Variants in RNF144A observed in about 807,000 individuals in gnomAD.
RNF144A encodes the protein E3 ubiquitin-protein ligase RNF144A.
In RNF144A, 11 loss-of-function variants were observed where a neutral mutation model predicts 38.7. That is an observed-to-expected ratio of 0.28 (90% confidence interval 0.18 to 0.47). The LOEUF is 0.47. Among genes scored for constraint, RNF144A ranks in the 20% least tolerant of loss-of-function variants. The pLI is 0.99. For synonymous variants in RNF144A, 149 were observed against 143.9 expected (o/e 1.04, Z -0.25); for missense variants, 316 against 377.2 (o/e 0.84, Z 1.34).
intron 2 of RNF144A, among the ~76,000 whole-genome samples, chr2:6,961,718 A>T (rs1003020882): frequency 6.6e-6 from 1 of 152,290 alleles, no homozygotes; most frequent in East Asian, 1.9e-4. Context: ...TCTGCCTAGA[A>T]TTTCTTTCAC....
At chr2:7,070,522 GT>G (rs1170427193), downstream of RNF144A, among the ~76,000 whole-genome samples, 1 of 152,168 alleles carries the variant, frequency 6.6e-6, no homozygotes. Context: ...TTATGTTGAA[GT>G]CCCCCCTCCC....
At position 7,032,862 on chromosome 2, in the gene RNF144A, C is replaced by G. The variant is rs148143464; in HGVS notation, c.747+2647C>G. Among the ~76,000 whole-genome samples the G allele has an allele frequency of 5.8e-3, 889 of 152,334 alleles. 2 individuals are homozygous for G. Among genetic ancestry groups the G allele is most frequent in the African/African-American group, 0.02 (823 of 41,584 alleles). On this transcript the variant is annotated intron_variant, in intron 8 of 8. Transcript: ENST00000320892. Reference sequence around the variant, plus strand: ...TCAACCCATAACAACACCTACACCCCCCTCCCCACGCAGCATAGAAACTGC... The same window carrying G: ...TCAACCCATAACAACACCTACACCCGCCTCCCCACGCAGCATAGAAACTGC...
intron 2 of RNF144A, among the ~76,000 whole-genome samples, chr2:6,971,749 C>G (rs1376178874): frequency 1.3e-5 from 2 of 150,944 alleles, no homozygotes; most frequent in Non-Finnish European, 3.0e-5. Context: ...CCTGGGCTCT[C>G]ACTAGTTCTG....
At chr2:7,012,716 C>G (rs1670898316) in intron 3 of RNF144A, among the ~76,000 whole-genome samples, 1 of 152,206 alleles carries the variant, frequency 6.6e-6, no homozygotes, top group Admixed American at 6.5e-5. Flanking sequence ...TCATCTGCCT[C>G]TCCCTTGTTC....
intron 2 of RNF144A, among the ~76,000 whole-genome samples, chr2:6,974,306 T>C (rs1218617083): frequency 1.3e-5 from 2 of 152,198 alleles, no homozygotes; most frequent in Non-Finnish European, 2.9e-5. Context: ...AAATACAGCA[T>C]TGTGGTTCAG....
At chr2:6,948,267 A>C (rs1406054413) in intron 2 of RNF144A, among the ~76,000 whole-genome samples, 2 of 152,238 alleles carry the variant, frequency 1.3e-5, no homozygotes, top group Admixed American at 1.3e-4. Context: ...CTTCTGTCAC[A>C]GCACAGAGAG....
chr2:7,025,056 A>T (rs1020609083), intron 7 of RNF144A, among the ~76,000 whole-genome samples: 1 of 152,160 alleles, frequency 6.6e-6, no homozygotes, highest in Non-Finnish European at 1.5e-5. Context: ...CACATCATCT[A>T]CAGGGCGGGA....
At chr2:6,963,980 G>A (rs1667496710) in intron 2 of RNF144A, among the ~76,000 whole-genome samples, 1 of 152,054 alleles carries the variant, frequency 6.6e-6, no homozygotes, top group South Asian at 2.1e-4. Flanking sequence ...CAGCTGGTAG[G>A]CAAAGCTGTA....
Position 7,012,160 on chromosome 2 carries a change from A to G in RNF144A, c.136-2294A>G, listed in dbSNP as rs532430662. 3.3e-5 allele frequency among the ~76,000 whole-genome samples: 5 copies of G among 152,354 alleles called. No homozygotes were observed. In the South Asian group the frequency reaches 1.0e-3, roughly 32 times the overall value. ...CAGAGACCCCATTTAGACAAACTTC[A>G]TAATAGAAAGTAAAATAATGATCTT... is the stretch of plus-strand genomic sequence containing the variant. On this transcript the variant is annotated intron_variant, in intron 3 of 8. Coordinates refer to ENST00000320892, the MANE Select transcript of RNF144A (RefSeq NM_014746.6).
chr2:7,052,776 C>T (rs1394594569), intron 6 of RNF144A, among the ~76,000 whole-genome samples: 1 of 152,024 alleles, frequency 6.6e-6, no homozygotes. Context: ...CCTTCCTGTT[C>T]TCTGGAAATG....
At chr2:7,056,202 G>C (rs1673732156) in intron 6 of RNF144A, among the ~76,000 whole-genome samples, 2 of 152,116 alleles carry the variant, frequency 1.3e-5, no homozygotes. Flanking sequence ...TGGCCGTTCT[G>C]ATCTTACTAT....
intron 8 of RNF144A, among the ~76,000 whole-genome samples, chr2:7,031,375 A>G (rs959648793): frequency 6.6e-6 from 1 of 152,234 alleles, no homozygotes; most frequent in African/African-American, 2.4e-5. Flanking sequence ...AGGGACAGAG[A>G]TGATAAAGCA....
At chr2:7,068,305 GAT>G, downstream of RNF144A, 1 of 1,211,346 alleles carries the variant, frequency 8.3e-7, no homozygotes. Flanking sequence ...ACATTTTAAA[GAT>G]AAGATTAATA....
In RNF144A at chr2:7,024,571, G is replaced by C. The variant is rs532192336; in HGVS notation, c.657+55G>C. 5 of 1,560,676 alleles carry C rather than the reference G, an allele frequency of 3.2e-6. No homozygotes were observed. In the East Asian group the frequency reaches 1.1e-4, roughly 36 times the overall value. ...GCATTTAGCTTTGAGGTTTAGATTT[G>C]GAATGAGAAAAATAGACCAGCTGTT... On this transcript the variant is annotated intron_variant, in intron 7 of 8. Transcript: ENST00000320892.
Position 6,965,270 on chromosome 2 carries a change from C to T in RNF144A, c.-12+24123C>T, listed in dbSNP as rs188319813. Among the ~76,000 whole-genome samples the T allele has an allele frequency of 3.3e-5, 5 of 152,260 alleles. No homozygotes were observed. In the East Asian group the frequency reaches 5.8e-4, roughly 18 times the overall value. On this transcript the variant is annotated intron_variant, in intron 2 of 8. Transcript: ENST00000320892. ...GGAGGGAAAATAGGGAAATAGGACA[C>T]GATCTCAGCTCATGAGGAGGGTGTG...
At position 6,958,240 on chromosome 2, in the gene RNF144A, C is replaced by T. The variant is rs192284625; in HGVS notation, c.-12+17093C>T. On this transcript the variant is annotated intron_variant, in intron 2 of 8. Transcript: ENST00000320892. This position sits in a 1 kb window ranked among gnomAD's most constrained non-coding sequence, Gnocchi z 4.5. ...CCCTTCTGCGGGGCTCTGCTCTGGG[C>T]TGGTGAAGGGACAGAAAGCAAAGTG... Among the ~76,000 whole-genome samples, 308 of 152,314 alleles carry T rather than the reference C, an allele frequency of 2.0e-3. No homozygotes were observed. Among genetic ancestry groups the T allele is most frequent in the Non-Finnish European group, 3.6e-3 (248 of 68,022 alleles).
At position 7,040,386 on chromosome 2, in the gene RNF144A, G is replaced by A; in HGVS notation, c.*626G>A. The stretch of plus-strand genomic sequence containing the variant: ...ATTTAGAAAGCCTTATGCACTCTTT[G>A]TGTTTTTCTTGAAACTTGCTGTAGT... On this transcript the variant is annotated 3_prime_UTR_variant, in exon 9 of 9. Transcript: ENST00000320892. 2.0e-6 allele frequency: 2 copies of A among 985,370 alleles called. No homozygotes were observed. Among genetic ancestry groups the A allele is most frequent in the Non-Finnish European group, 2.4e-6 (2 of 829,916 alleles). 61.0% of individuals were successfully genotyped at this position (985,370 alleles called of 1,614,324 possible). A position where few individuals can be genotyped will look rare whatever the true frequency, so the allele number is the denominator to read the frequency against.
At chr2:7,003,813 T>C (rs1025642965) in intron 3 of RNF144A, among the ~76,000 whole-genome samples, 6 of 152,248 alleles carry the variant, frequency 3.9e-5, no homozygotes, top group Non-Finnish European at 7.3e-5. Flanking sequence ...TTCCTTGGGT[T>C]ATCAAGGTTG....
In RNF144A at chr2:6,943,792, A is replaced by G. The variant is rs1312500369; in HGVS notation, c.-12+2645A>G. ...ACCTTTCTTTGTGAAATGGGAGTCA[A>G]AGCCAGCATCTGAGCATGCTACATG... is the stretch of plus-strand genomic sequence containing the variant. On this transcript the variant is annotated intron_variant, in intron 2 of 8. Coordinates refer to ENST00000320892, the MANE Select transcript of RNF144A (RefSeq NM_014746.6). This position sits in a 1 kb window ranked among gnomAD's most constrained non-coding sequence, Gnocchi z 4.3. 3.3e-5 allele frequency among the ~76,000 whole-genome samples: 5 copies of G among 152,146 alleles called. No individual in the cohort carries two copies. Among genetic ancestry groups the G allele is most frequent in the Non-Finnish European group, 7.4e-5 (5 of 68,024 alleles).
Sources: allele counts gnomAD v4.1 joint callset (sites outside exome capture counted in the v4.1 genomes callset), GRCh38; gene constraint gnomAD v4.1.1; non-coding constraint Gnocchi (gnomAD v3.1); transcripts MANE v1.5; gene names NCBI Gene and HGNC (gene_info 2026-07-23, HGNC 2026-07-21).